The following LEPR variants were observed in gnomAD, a reference collection of about 807,000 sequenced individuals.
LEPR encodes OB receptor.
Under a neutral mutation model 114.7 loss-of-function variants are expected in LEPR, and 56 were observed. The ratio of observed to expected loss-of-function variants is 0.49; its 90% CI spans 0.39 to 0.61. The LOEUF (loss-of-function observed/expected upper bound fraction) is 0.61. LEPR is among the 20% of genes least tolerant of loss of function. LEPR has a pLI of 0.00. For missense variants in LEPR, 1,202 were observed against 1,352.9 expected, an observed-to-expected ratio of 0.89 and a Z score of 1.75; for synonymous variants, 443 against 461.4, an observed-to-expected ratio of 0.96 and a Z score of 0.51.
intron 19 of LEPR, among the ~76,000 whole-genome samples, chr1:65,625,796 G>C (rs1381372485): frequency 6.6e-6 from 1 of 152,126 alleles, no homozygotes; most frequent in Non-Finnish European, 1.5e-5. Context: ...GCAGTACCTA[G>C]CATATTCACA....
At chr1:65,431,306 A>T (rs1646480389) in intron 2 of LEPR, among the ~76,000 whole-genome samples, 1 of 152,178 alleles carries the variant, frequency 6.6e-6, no homozygotes, top group Non-Finnish European at 1.5e-5. Context: ...GGGTACTCTC[A>T]CCCCCAAATG....
chr1:65,512,165 T>C (rs1649067388), intron 2 of LEPR, among the ~76,000 whole-genome samples: 1 of 152,028 alleles, frequency 6.6e-6, no homozygotes, highest in African/African-American at 2.4e-5. Flanking sequence ...CAAAGACCCA[T>C]GAGAGATTTG....
Position 65,598,820 on chromosome 1 carries a change from G to A in LEPR, c.994+16G>A. Reference sequence around the variant, plus strand: ...ACCACACAAGGTAGGTTATGTAATAGCCACTTCTACTGGGAGGGAAATATA... The same window carrying A: ...ACCACACAAGGTAGGTTATGTAATAACCACTTCTACTGGGAGGGAAATATA... On this transcript the variant is annotated intron_variant, in intron 8 of 19. Coordinates refer to ENST00000349533, the MANE Select transcript of LEPR (RefSeq NM_002303.6). 6.2e-7 allele frequency: 1 copy of A among 1,612,944 alleles called. No individual in the cohort carries two copies.
At chr1:65,557,311 A>G (rs1652880737) in intron 2 of LEPR, among the ~76,000 whole-genome samples, 1 of 152,158 alleles carries the variant, frequency 6.6e-6, no homozygotes, top group Non-Finnish European at 1.5e-5. Context: ...ATCCTTAGGA[A>G]GTGTCTTCAT....
rs1262922820 is a variant in LEPR at position 65,615,873 on chromosome 1, T to C, written c.1996-135T>C. On this transcript the variant is annotated intron_variant, in intron 14 of 19. Transcript: ENST00000349533. ...CTATCCCACCCATCTCCCCAGCCTC[T>C]CAGCCTTGTAATAGTACCTGCCCTG... The C allele has an allele frequency of 1.9e-5, 22 of 1,184,342 alleles. No individual in the cohort carries two copies. The South Asian group carries it at 2.5e-4, about 13-fold the overall frequency. 73.4% of individuals were successfully genotyped at this position (1,184,342 alleles called of 1,614,324 possible). A position where few individuals can be genotyped will look rare whatever the true frequency, so the allele number is the denominator to read the frequency against.
chr1:65,628,292 T>A (rs1417412091), intron 19 of LEPR, among the ~76,000 whole-genome samples: 2 of 152,172 alleles, frequency 1.3e-5, no homozygotes, highest in Non-Finnish European at 2.9e-5. Context: ...TAGGACAATA[T>A]GAAAACAGCT....
intron 2 of LEPR, among the ~76,000 whole-genome samples, chr1:65,514,409 C>T (rs1649182067): frequency 6.6e-6 from 1 of 152,180 alleles, no homozygotes; most frequent in Admixed American, 6.5e-5. Context: ...GAAGAGCTTC[C>T]AAAGAACACA....
intron 2 of LEPR, among the ~76,000 whole-genome samples, chr1:65,521,508 C>A (rs1411304231): frequency 6.6e-6 from 1 of 152,166 alleles, no homozygotes; most frequent in Non-Finnish European, 1.5e-5. Flanking sequence ...ACTGATACAT[C>A]AAAAAGACTG....
At chr1:65,427,385 G>C (rs1013553387) in intron 2 of LEPR, among the ~76,000 whole-genome samples, 2 of 152,064 alleles carry the variant, frequency 1.3e-5, no homozygotes, top group Admixed American at 6.6e-5. Context: ...ACCAGTCTGG[G>C]CAACAAAGTG....
At chr1:65,621,110 G>A (rs1005658311) in intron 17 of LEPR, among the ~76,000 whole-genome samples, 39 of 151,788 alleles carry the variant, frequency 2.6e-4, no homozygotes, top group African/African-American at 9.0e-4. Context: ...GAGAGGAATG[G>A]CAAATAAATA....
Position 65,633,048 on chromosome 1 carries a change from G to A in LEPR, c.2674-3143G>A. ...TTGTAACCTAACACAAAAATTTATA[G>A]TCCAGAACCCATGCTTGACAATGTT... On this transcript the variant is annotated intron_variant, in intron 19 of 19. Coordinates refer to ENST00000349533, the MANE Select transcript of LEPR (RefSeq NM_002303.6). This position sits in a 1 kb window ranked among gnomAD's most constrained non-coding sequence, Gnocchi z 4.1. 4.2e-6 allele frequency: 4 copies of A among 950,942 alleles called. No homozygotes were observed. Among genetic ancestry groups the A allele is most frequent in the Non-Finnish European group, 6.5e-6 (4 of 615,296 alleles). The allele number at this position is 950,942 out of a possible 1,614,324, so 58.9% of individuals were successfully genotyped here.
chr1:65,558,538 G>GT (rs1254032864), intron 2 of LEPR, among the ~76,000 whole-genome samples: 3 of 9,126 alleles, frequency 3.3e-4, no homozygotes, highest in East Asian at 6.0e-3. Flanking sequence ...TTTTTTTTTT[G>GT]TTTTTTTTTT....
intron 2 of LEPR, among the ~76,000 whole-genome samples, chr1:65,426,959 C>T (rs548617689): frequency 2.6e-5 from 4 of 151,620 alleles, no homozygotes; most frequent in Admixed American, 6.5e-5. Context: ...GATCGTGCCA[C>T]TGCACTCTAG....
Position 65,636,384 on chromosome 1 carries a change from G to C in LEPR, c.2867G>C (p.Ser956Thr). 6.2e-7 allele frequency: 1 copy of C among 1,614,090 alleles called. No individual in the cohort carries two copies. Among genetic ancestry groups the C allele is most frequent in the South Asian group, 1.1e-5 (1 of 91,072 alleles). Residue 956 changes from serine (S) to threonine (T), a missense_variant, in exon 20 of 20, where the codon AGT (serine) becomes ACT (threonine). Coordinates refer to ENST00000349533, the MANE Select transcript of LEPR (RefSeq NM_002303.6). ...TDLEKGSVCI[S>T]DQFNSVNFSE... ...CTTGAAAAGGGTTCTGTTTGTATTA[G>C]TGACCAGTTCAACAGTGTTAACTTC...
Position 65,621,363 on chromosome 1 carries a change from A to G in LEPR, c.2502A>G (p.Glu834=). The change falls in exon 18 of 20, where the codon GAA becomes GAG. Residue 834 remains glutamate (E), a synonymous_variant. Transcript: ENST00000349533. ...GTATTTCTTTTTCAGATGATATTGA[A>G]AAACACCAGAGTGATGCAGGTTTAT... is the stretch of plus-strand genomic sequence containing the variant. The part of the protein sequence containing the change: ...IINSFTQDDI[E]KHQSDAGLYV... The G allele has an allele frequency of 6.2e-7, 1 of 1,613,156 alleles. No individual in the cohort carries two copies. The highest frequency in any genetic ancestry group is 8.5e-7 in the Non-Finnish European group (1 of 1,179,470).
At chr1:65,551,320 A>G (rs1393347986) in intron 2 of LEPR, among the ~76,000 whole-genome samples, 1 of 152,132 alleles carries the variant, frequency 6.6e-6, no homozygotes, top group African/African-American at 2.4e-5. Flanking sequence ...CTCTGGTAGA[A>G]TTCGGCTGTG....
At chr1:65,618,355 T>C (rs1415450908) in intron 16 of LEPR, among the ~76,000 whole-genome samples, 1 of 151,784 alleles carries the variant, frequency 6.6e-6, no homozygotes, top group Admixed American at 6.6e-5. Context: ...CGGCAGGGTC[T>C]CTCTGTGTTG....
rs1313676430 is a variant in LEPR, at chr1:65,640,124, C to T, written c.*3109C>T. The T allele has an allele frequency of 6.6e-6, 1 of 152,026 alleles. No individual in the cohort carries two copies. The highest frequency in any genetic ancestry group is 1.5e-5 in the Non-Finnish European group (1 of 68,000). 9.4% of individuals were successfully genotyped at this position (152,026 alleles called of 1,614,324 possible). On this transcript the variant is annotated 3_prime_UTR_variant, in exon 20 of 20. Coordinates refer to ENST00000349533, the MANE Select transcript of LEPR (RefSeq NM_002303.6). ...AAACTTATTCTCTCTTCCATAATAT[C>T]ATATATATGGTCACATTACTTCAGG...
rs1201653768 is a variant in LEPR at position 65,638,368 on chromosome 1, T to C, written c.*1353T>C. On this transcript the variant is annotated 3_prime_UTR_variant, in exon 20 of 20. Coordinates refer to ENST00000349533, the MANE Select transcript of LEPR (RefSeq NM_002303.6). ...TTCAACTTTTGGTACGGTAAAAAAA[T>C]TCAAAGACAGCATATTGGGCAACAA... The C allele has an allele frequency of 6.6e-6, 1 of 152,112 alleles. No individual in the cohort carries two copies. Among genetic ancestry groups the C allele is most frequent in the African/African-American group, 2.4e-5 (1 of 41,402 alleles). The allele number at this position is 152,112 out of a possible 1,614,324, so 9.4% of individuals were successfully genotyped here.
Sources: gnomAD v4.1 joint callset for allele counts (sites outside exome capture counted in the v4.1 genomes callset) on GRCh38, gnomAD v4.1.1 for gene constraint, Gnocchi (gnomAD v3.1) non-coding constraint, MANE v1.5 for transcripts, NCBI Gene and HGNC (gene_info 2026-07-23, HGNC 2026-07-21) for gene names.